The following IL1RAPL1 variants were observed in gnomAD, a reference collection of about 807,000 sequenced individuals.
IL1RAPL1 encodes interleukin 1 receptor accessory protein like 1, also known as interleukin-1 receptor accessory protein-like 1.
IL1RAPL1 carries 3 observed loss-of-function variants against 48.4 expected under a neutral mutation model. The observed-to-expected ratio is 0.06, with a 90% CI of 0.03 to 0.16. The LOEUF is 0.16. Ranked by LOEUF, IL1RAPL1 falls within the 10% of genes least tolerant of loss-of-function variation. The pLI is 1.00. For synonymous variants in IL1RAPL1, 185 were observed against 187.7 expected, an observed-to-expected ratio of 0.99 and a Z score of 0.12; for missense variants, 349 against 530.6, an observed-to-expected ratio of 0.66 and a Z score of 3.36.
At chrX:29,456,838 G>A (rs1006048924) in intron 5 of IL1RAPL1, among the ~76,000 whole-genome samples, 2 of 111,609 alleles carry the variant, frequency 1.8e-5, no homozygotes, top group Non-Finnish European at 3.8e-5. Flanking sequence ...TTTTATGGAA[G>A]AATTTTGAGC....
At chrX:29,430,903 A>G (rs1232185988) in intron 5 of IL1RAPL1, among the ~76,000 whole-genome samples, 1 of 110,839 alleles carries the variant, frequency 9.0e-6, no homozygotes, top group Non-Finnish European at 1.9e-5. Flanking sequence ...GTCATAGTAA[A>G]GATAACATCC....
At chrX:28,691,595 A>G (rs1488498590) in intron 1 of IL1RAPL1, among the ~76,000 whole-genome samples, 4 of 112,146 alleles carry the variant, frequency 3.6e-5, no homozygotes, top group East Asian at 5.6e-4. Context: ...AGCTCCTATC[A>G]GTGTCTGGGA....
At chrX:29,348,203 T>A (rs1463904634) in intron 3 of IL1RAPL1, among the ~76,000 whole-genome samples, 1 of 111,809 alleles carries the variant, frequency 8.9e-6, no homozygotes, top group Non-Finnish European at 1.9e-5. Flanking sequence ...ATTAGAGTAA[T>A]CACTCTTGTA....
intron 5 of IL1RAPL1, among the ~76,000 whole-genome samples, chrX:29,535,965 T>A (rs914323347): frequency 2.7e-5 from 3 of 111,992 alleles, no homozygotes. Context: ...ACTAAATCAG[T>A]GGCTTCCCAG....
intron 5 of IL1RAPL1, among the ~76,000 whole-genome samples, chrX:29,635,389 C>A (rs1924935398): frequency 8.9e-6 from 1 of 111,739 alleles, no homozygotes; most frequent in Non-Finnish European, 1.9e-5. Flanking sequence ...TTCTCAGGAG[C>A]AACACTTGAA....
chrX:29,653,901 C>CTTATTTATTTAT lies in IL1RAPL1; in HGVS notation c.704-14498_704-14487dup, dbSNP rs535604223. 3.5e-3 allele frequency among the ~76,000 whole-genome samples: 324 copies of CTTATTTATTTAT among 93,474 alleles called. 8 individuals carry two copies. Among genetic ancestry groups the CTTATTTATTTAT allele is most frequent in the Non-Finnish European group, 3.5e-3 (164 of 47,016 alleles). The allele number at this position is 93,474 out of a possible 115,157, so 81.2% of individuals were successfully genotyped here. A position where few individuals can be genotyped will look rare whatever the true frequency, so the allele number is the denominator to read the frequency against. The stretch of plus-strand genomic sequence containing the variant: ...AAAGAATGAATGGAAAATTAGGGCT[C>CTTATTTATTTAT]TTATTTATTTATTTATTTATTTATT... On this transcript the variant is annotated intron_variant, in intron 5 of 10. Coordinates refer to ENST00000378993, the MANE Select transcript of IL1RAPL1 (RefSeq NM_014271.4).
intron 3 of IL1RAPL1, among the ~76,000 whole-genome samples, chrX:29,317,107 G>C (rs1232652316): frequency 9.0e-6 from 1 of 111,386 alleles, no homozygotes; most frequent in African/African-American, 3.3e-5. Flanking sequence ...CAATGATTAT[G>C]TTTCCTAAGG....
intron 5 of IL1RAPL1, among the ~76,000 whole-genome samples, chrX:29,411,640 ATTAC>A (rs978245060): frequency 9.1e-6 from 1 of 109,628 alleles, no homozygotes. Flanking sequence ...TTAGAGCTGT[ATTAC>A]TTCTAGATTT....
At chrX:29,356,083 G>T (rs1933297687) in intron 3 of IL1RAPL1, among the ~76,000 whole-genome samples, 1 of 110,891 alleles carries the variant, frequency 9.0e-6, no homozygotes. Flanking sequence ...ATTTTATTTT[G>T]GGTACAAATT....
chrX:28,950,295 C>G (rs1924419834), intron 2 of IL1RAPL1, among the ~76,000 whole-genome samples: 1 of 69,500 alleles, frequency 1.4e-5, no homozygotes, highest in African/African-American at 6.0e-5. Context: ...TTCCATTGAT[C>G]TATATCTCTG....
At chrX:29,160,482 T>A (rs189579775) in intron 2 of IL1RAPL1, among the ~76,000 whole-genome samples, 525 of 112,061 alleles carry the variant, frequency 4.7e-3, no homozygotes, top group Non-Finnish European at 7.3e-3. Flanking sequence ...AATAATAATA[T>A]AGATGATACT....
At chrX:28,685,997 CTT>C in intron 1 of IL1RAPL1, among the ~76,000 whole-genome samples, 1 of 111,457 alleles carries the variant, frequency 9.0e-6, no homozygotes, top group Middle Eastern at 4.7e-3. Flanking sequence ...GGGAATTTCT[CTT>C]CTATATTCTG....
intron 1 of IL1RAPL1, among the ~76,000 whole-genome samples, chrX:28,717,732 G>C (rs1262803826): frequency 9.0e-6 from 1 of 110,933 alleles, no homozygotes; most frequent in Non-Finnish European, 1.9e-5. Flanking sequence ...GTGGGGAGGG[G>C]GACTGGAGGA....
intron 2 of IL1RAPL1, among the ~76,000 whole-genome samples, chrX:29,157,739 C>G (rs1203946454): frequency 6.3e-5 from 7 of 110,928 alleles, no homozygotes; most frequent in Non-Finnish European, 3.8e-5. Context: ...AAGAAATTAG[C>G]CCACCAGTAT....
intron 2 of IL1RAPL1, among the ~76,000 whole-genome samples, chrX:28,931,993 G>T (rs2147343649): frequency 9.3e-6 from 1 of 108,076 alleles, no homozygotes; most frequent in South Asian, 4.0e-4. Flanking sequence ...AGTGAGCCAA[G>T]ATCACACCAC....
chrX:29,034,507 C>A (rs1926687450), intron 2 of IL1RAPL1, among the ~76,000 whole-genome samples: 2 of 112,093 alleles, frequency 1.8e-5, no homozygotes, highest in Non-Finnish European at 3.8e-5. Context: ...AGAATGGATT[C>A]CTCTACTCTT....
At chrX:28,707,509 C>T (rs1290618044) in intron 1 of IL1RAPL1, among the ~76,000 whole-genome samples, 1 of 112,048 alleles carries the variant, frequency 8.9e-6, no homozygotes, top group African/African-American at 3.2e-5. Context: ...ACATCTCTTA[C>T]ACTTTAAAGG....
chrX:29,815,584 C>T (rs1436360180), intron 6 of IL1RAPL1, among the ~76,000 whole-genome samples: 1 of 110,678 alleles, frequency 9.0e-6, no homozygotes, highest in Non-Finnish European at 1.9e-5. Flanking sequence ...TTTCTCTTGC[C>T]TGATTGTTCT....
intron 6 of IL1RAPL1, among the ~76,000 whole-genome samples, chrX:29,686,272 ATGTTTTAAT>A (rs955285982): frequency 6.3e-5 from 7 of 111,239 alleles, no homozygotes; most frequent in Non-Finnish European, 1.3e-4. Flanking sequence ...TTCAAATAAC[ATGTTTTAAT>A]TGTTTTAATA....
Sources: gnomAD v4.1 joint callset for allele counts (sites outside exome capture counted in the v4.1 genomes callset) on GRCh38, gnomAD v4.1.1 for gene constraint, MANE v1.5 for transcripts, NCBI Gene and HGNC (gene_info 2026-07-23, HGNC 2026-07-21) for gene names.